NFKBIA: variants seen among roughly 807,000 people sequenced by gnomAD.
The protein encoded by NFKBIA is NFKB inhibitor alpha.
In NFKBIA, 10 loss-of-function variants were observed where a neutral mutation model predicts 36.3. The observed-to-expected ratio is 0.28, with a 90% confidence interval of 0.17 to 0.47. The LOEUF is 0.47. Among genes scored for constraint, NFKBIA ranks in the 20% least tolerant of loss-of-function variants. NFKBIA has a pLI of 0.99. For missense variants in NFKBIA, 355 were observed against 399.3 expected (o/e 0.89, Z 0.94); for synonymous variants, 205 against 164.4 (o/e 1.25, Z -1.89).
intron 1 of NFKBIA, 167 bp downstream of exon 1, chr14:35,404,251 C>A (rs1246177833): frequency 7.8e-6 from 3 of 384,596 alleles, no homozygotes; most frequent in Non-Finnish European, 1.3e-5. Flanking sequence ...CGCGGCCCTG[C>A]AGCCCTGCAG....
chr14:35,403,523 C>A, intron 2 of NFKBIA, 163 bp from the exon 3 acceptor site: 1 of 894,366 alleles, frequency 1.1e-6, no homozygotes, highest in Non-Finnish European at 1.8e-6. Flanking sequence ...AAGACCTCAC[C>A]AAATCAGTGG....
At chr14:35,403,553 G>T in intron 2 of NFKBIA, 137 bp downstream of exon 2, 1 of 857,554 alleles carries the variant, frequency 1.2e-6, no homozygotes, top group Non-Finnish European at 1.9e-6. Flanking sequence ...CACTCTCTAG[G>T]ATGTGGGCTG....
chr14:35,403,020 CA>C, intron 3 of NFKBIA, 129 bp downstream of exon 3: 2 of 1,276,164 alleles, frequency 1.6e-6, no homozygotes, highest in Non-Finnish European at 2.2e-6. Context: ...ACTTTGCACA[CA>C]TATTTTCTCA....
chr14:35,403,572 T>C, intron 2 of NFKBIA, 118 bp downstream of exon 2: 1 of 894,668 alleles, frequency 1.1e-6, no homozygotes. Flanking sequence ...TGATGTGAAG[T>C]AAAAGGTGAG....
In NFKBIA at chr14:35,403,802, T is replaced by TG. The variant is rs746328671; in HGVS notation, c.228-5dup. On this transcript the variant is annotated splice_polypyrimidine_tract_variant and splice_region_variant and intron_variant, in intron 1 of 5. Coordinates refer to ENST00000216797, the MANE Select transcript of NFKBIA (RefSeq NM_020529.3). ...GATGATGGCCAAGTGCAGGAACCTG[T>TG]GGGGAAGAGAGGGAAAAACCCCAGG... 1 of 1,610,402 alleles carries TG rather than the reference T, an allele frequency of 6.2e-7. No homozygotes were observed. The highest frequency in any genetic ancestry group is 1.7e-5 in the Admixed American group (1 of 59,806).
At position 35,401,619 on chromosome 14, in the gene NFKBIA, T is replaced by C. The variant is rs2052726536; in HGVS notation, c.*394A>G. The C allele has an allele frequency of 3.0e-6, 1 of 328,022 alleles. No individual in the cohort carries two copies. The highest frequency in any genetic ancestry group is 4.9e-5 in the East Asian group (1 of 20,304). 20.3% of individuals were successfully genotyped at this position (328,022 alleles called of 1,614,324 possible). On this transcript the variant is annotated 3_prime_UTR_variant, in exon 6 of 6. Transcript: ENST00000216797. ...GGAGGGTAACACAAACCTTGACAGG[T>C]AGTAACTTTTCACCCCACATCACTG...
chr14:35,403,863 C>G, intron 1 of NFKBIA, 65 bp from the exon 2 acceptor site: 1 of 1,223,678 alleles, frequency 8.2e-7, no homozygotes. Flanking sequence ...CAGGGAGGCG[C>G]GGGCTGCGGG....
At position 35,403,730 on chromosome 14, in the gene NFKBIA, C is replaced by G. The variant is rs1184836139; in HGVS notation, c.296G>C (p.Gly99Ala). 6.2e-7 allele frequency: 1 copy of G among 1,613,826 alleles called. No homozygotes were observed. The highest frequency in any genetic ancestry group is 8.5e-7 in the Non-Finnish European group (1 of 1,179,900). ...CTGGAAGTTGAGGAAGGCCAGGTCTCCCTTCACCTGGCGGATCACTTCCAT... is the reference window on the plus strand; with the variant it reads ...CTGGAAGTTGAGGAAGGCCAGGTCTGCCTTCACCTGGCGGATCACTTCCAT... ...LTMEVIRQVK[G>A]DLAFLNFQNN... is the part of the protein sequence containing the mutation. Residue 99 changes from glycine (G) to alanine (A), a missense_variant, in exon 2 of 6, where the codon GGA becomes GCA. Physicochemically the swap from Gly to Ala is moderately conservative, Grantham distance 60. Coordinates refer to ENST00000216797, the MANE Select transcript of NFKBIA (RefSeq NM_020529.3).
Position 35,404,479 on chromosome 14 carries a change from G to A in NFKBIA, c.166C>T (p.Pro56Ser), listed in dbSNP as rs2052767477. The A allele has an allele frequency of 1.9e-6, 3 of 1,603,040 alleles. No individual in the cohort carries two copies. Among genetic ancestry groups the A allele is most frequent in the Non-Finnish European group, 2.6e-6 (3 of 1,175,390 alleles). ...TCCGAGCCGCGCGGCACCTCCTGCG[G>A]CTCGAGGCGGATCTCCTGCAGCTCC... ...VKELQEIRLE[P>S]QEVPRGSEPW... is the part of the protein sequence containing the mutation. Residue 56 changes from proline (P) to serine (S), a missense_variant, in exon 1 of 6, where the codon CCG (proline) becomes TCG (serine). Physicochemically the swap from Pro to Ser is moderately conservative, Grantham distance 74. Coordinates refer to ENST00000216797, the MANE Select transcript of NFKBIA (RefSeq NM_020529.3).
rs2052731559 is a variant in NFKBIA at position 35,401,998 on chromosome 14, T to C, written c.*15A>G. ...TACAAATATACAAGTCCATGTTCTT[T>C]CAGCCCCTTTGCGCTCATAACGTCA... is the stretch of plus-strand genomic sequence containing the variant. On this transcript the variant is annotated 3_prime_UTR_variant, in exon 6 of 6. Transcript: ENST00000216797. The C allele has an allele frequency of 6.2e-7, 1 of 1,613,686 alleles. No individual in the cohort carries two copies. The highest frequency in any genetic ancestry group is 8.5e-7 in the Non-Finnish European group (1 of 1,179,742).
At position 35,402,063 on chromosome 14, in the gene NFKBIA, G is replaced by A. The variant is rs1458968522; in HGVS notation, c.907-3C>T. Reference sequence around the variant, plus strand: ...AACACACAGTCATCATAGGGCAGCTGAAAACAAGGGGAAAAAAGACACGTT... The same window carrying A: ...AACACACAGTCATCATAGGGCAGCTAAAAACAAGGGGAAAAAAGACACGTT... On this transcript the variant is annotated splice_polypyrimidine_tract_variant and splice_region_variant and intron_variant, in intron 5 of 5. Transcript: ENST00000216797. The A allele has an allele frequency of 6.2e-7, 1 of 1,613,962 alleles. No homozygotes were observed. The highest frequency in any genetic ancestry group is 8.5e-7 in the Non-Finnish European group (1 of 1,180,036).
intron 5 of NFKBIA, 94 bp downstream of exon 5, chr14:35,402,300 A>C (rs1013589826): frequency 2.1e-6 from 3 of 1,460,494 alleles, no homozygotes; most frequent in Non-Finnish European, 2.9e-6. Flanking sequence ...CATTATGTAG[A>C]TACCCCTCTG....
chr14:35,402,471 G>C lies in NFKBIA; in HGVS notation c.829C>G (p.Leu277Val). 6.2e-7 allele frequency: 1 copy of C among 1,614,186 alleles called. No individual in the cohort carries two copies. Among genetic ancestry groups the C allele is most frequent in the Non-Finnish European group, 8.5e-7 (1 of 1,180,034 alleles). Residue 277 changes from leucine (L) to valine (V), a missense_variant, in exon 5 of 6, where the codon CTT becomes GTT. Transcript: ENST00000216797. The stretch of plus-strand genomic sequence containing the variant: ...TCCTCACTCTCTGGCAGCATCTGAA[G>C]GTTTTCTAGTGTCAGCTGGCCCAGC... ...QQLGQLTLENLQMLPESEDEE... is the reference protein window; with the variant it reads ...QQLGQLTLENVQMLPESEDEE...
At chr14:35,404,351 T>TG in intron 1 of NFKBIA, 67 bp downstream of exon 1, 346 of 1,049,578 alleles carry the variant, frequency 3.3e-4, no homozygotes, top group Non-Finnish European at 4.0e-4. Context: ...GCCCGGCGCC[T>TG]CCCACCCCCA....
chr14:35,403,915 T>C, intron 1 of NFKBIA, 117 bp from the exon 2 acceptor site: 1 of 758,600 alleles, frequency 1.3e-6, no homozygotes, highest in Non-Finnish European at 2.3e-6. Flanking sequence ...GAGGCCGCGG[T>C]GTTTTCCGCG....
chr14:35,402,379 A>G lies in NFKBIA; in HGVS notation c.906+15T>C, dbSNP rs2138830269. 1 of 1,614,112 alleles carries G rather than the reference A, an allele frequency of 6.2e-7. No individual in the cohort carries two copies. Among genetic ancestry groups the G allele is most frequent in the East Asian group, 2.2e-5 (1 of 44,878 alleles). On this transcript the variant is annotated intron_variant, in intron 5 of 5. Coordinates refer to ENST00000216797, the MANE Select transcript of NFKBIA (RefSeq NM_020529.3). The stretch of plus-strand genomic sequence containing the variant: ...ACCTCATTAGTTAGAGCGCCGAAGG[A>G]GTTCACAGACTCACCTCGTCCTCTG...
rs373228608 is a variant in NFKBIA at position 35,402,659 on chromosome 14, G to A, written c.641C>T (p.Pro214Leu). ...SLGADVNAQEPCNGRTALHLA... is the reference protein window; with the variant it reads ...SLGADVNAQELCNGRTALHLA... ...GTGAAGGGCAGTCCGGCCATTACAG[G>A]GCTCCTGAAACCAAAAGGAATTTGA... Residue 214 changes from proline to leucine, a missense_variant, in exon 5 of 6, where the codon CCC becomes CTC. Physicochemically the swap from Pro to Leu is moderately conservative, Grantham distance 98. Coordinates refer to ENST00000216797, the MANE Select transcript of NFKBIA (RefSeq NM_020529.3). The A allele has an allele frequency of 6.2e-6, 10 of 1,614,060 alleles. No homozygotes were observed. The highest frequency in any genetic ancestry group is 8.5e-6 in the Non-Finnish European group (10 of 1,180,040).
chr14:35,401,730 T>C lies in NFKBIA; in HGVS notation c.*283A>G. ...GCACAATAAATATAAAATGTGGTCC[T>C]TCCATGAAATTTTTGATAACCTTCT... On this transcript the variant is annotated 3_prime_UTR_variant, in exon 6 of 6. Coordinates refer to ENST00000216797, the MANE Select transcript of NFKBIA (RefSeq NM_020529.3). 2.0e-6 allele frequency: 1 copy of C among 511,092 alleles called. No individual in the cohort carries two copies. Among genetic ancestry groups the C allele is most frequent in the Non-Finnish European group, 3.5e-6 (1 of 286,466 alleles). The allele number at this position is 511,092 out of a possible 1,614,324, so 31.7% of individuals were successfully genotyped here.
chr14:35,403,874 G>C (rs541639506), intron 1 of NFKBIA, 76 bp from the exon 2 acceptor site: 1 of 1,104,414 alleles, frequency 9.1e-7, no homozygotes, highest in African/African-American at 1.5e-5. Context: ...GGGCTGCGGG[G>C]GATTGCGCAA....
Sources: allele counts gnomAD v4.1 joint callset, GRCh38; gene constraint gnomAD v4.1.1; transcripts MANE v1.5; gene names NCBI Gene and HGNC (gene_info 2026-07-23, HGNC 2026-07-21).